HIBCH: variants seen among roughly 807,000 people sequenced by gnomAD.
HIBCH encodes 3-hydroxyisobutyryl-CoA hydrolase.
HIBCH carries 50 observed loss-of-function variants against 58.2 expected under a neutral mutation model. The ratio of observed to expected loss-of-function variants is 0.86; its 90% CI spans 0.68 to 1.09. The LOEUF is 1.09. Among genes scored for constraint, HIBCH ranks in the 50% least tolerant of loss-of-function variants. The probability of loss-of-function intolerance (pLI) is 0.00; values close to 1 mark genes in which losing one functional copy is unlikely to be tolerated. For missense variants in HIBCH, 450 were observed against 449.7 expected (o/e 1.00, Z -0.01); for synonymous variants, 151 against 146.9 (o/e 1.03, Z -0.20).
At chr2:190,292,859 ATTCTAATCAATTAG>A (rs1174557855) in intron 4 of HIBCH, among the ~76,000 whole-genome samples, 2 of 152,162 alleles carry the variant, frequency 1.3e-5, no homozygotes, top group Non-Finnish European at 2.9e-5. Flanking sequence ...TCTAATTTTT[ATTCTAATCAATTAG>A]TTCCATCTAA....
chr2:190,287,660 T>C, intron 5 of HIBCH, 22 bp from the exon 6 acceptor site: 1 of 1,576,298 alleles, frequency 6.3e-7, no homozygotes. Context: ...AGAGCTGTAA[T>C]TTTAGTTACA....
chr2:190,213,311 A>C, intron 11 of HIBCH: 1 of 479,098 alleles, frequency 2.1e-6, no homozygotes, highest in African/African-American at 1.9e-5. Flanking sequence ...ATAAATCCAT[A>C]TTTGTAGTTT....
At chr2:190,229,795 TAAAAC>T (rs1300784183) in intron 11 of HIBCH, among the ~76,000 whole-genome samples, 2 of 150,244 alleles carry the variant, frequency 1.3e-5, no homozygotes, top group East Asian at 3.9e-4. Flanking sequence ...GCACAGAAAA[TAAAAC>T]TAAACTAAGA....
At chr2:190,199,965 A>G (rs2105889785), downstream of HIBCH, 1 of 1,614,098 alleles carries the variant, frequency 6.2e-7, no homozygotes, top group Admixed American at 1.7e-5. Flanking sequence ...AGAGATGTCT[A>G]CCTAGGATGG....
At chr2:190,226,427 C>G (rs1685897967) in intron 11 of HIBCH, among the ~76,000 whole-genome samples, 1 of 152,028 alleles carries the variant, frequency 6.6e-6, no homozygotes, top group East Asian at 1.9e-4. Flanking sequence ...GAAACACCAT[C>G]TCTACTAAAA....
rs548367320 is a variant in HIBCH at position 190,286,721 on chromosome 2, G to A, written c.438+865C>T. Among the ~76,000 whole-genome samples the A allele has an allele frequency of 2.0e-5, 3 of 152,276 alleles. No homozygotes were observed. The East Asian group carries it at 5.8e-4, about 29-fold the overall frequency. On this transcript the variant is annotated intron_variant, in intron 6 of 13. Transcript: ENST00000359678. ...TGCCAGTTACATTTTAGACTTCTCTGTAATAGCACAGAGGCAGAATATTTG... is the reference window on the plus strand; with the variant it reads ...TGCCAGTTACATTTTAGACTTCTCTATAATAGCACAGAGGCAGAATATTTG...
intron 6 of HIBCH, among the ~76,000 whole-genome samples, chr2:190,262,638 C>T (rs1381686352): frequency 6.6e-6 from 1 of 152,198 alleles, no homozygotes; most frequent in African/African-American, 2.4e-5. Flanking sequence ...ACCTAACAGA[C>T]CAAATTCTCT....
At chr2:190,297,496 G>A (rs1688133364) in intron 2 of HIBCH, among the ~76,000 whole-genome samples, 3 of 152,206 alleles carry the variant, frequency 2.0e-5, no homozygotes, top group Admixed American at 1.3e-4. Flanking sequence ...AACAAAGGCT[G>A]GCTGAGGAAA....
At chr2:190,314,361 A>ATATATATACATATATACG (rs1553508491) in intron 1 of HIBCH, among the ~76,000 whole-genome samples, 23 of 44,408 alleles carry the variant, frequency 5.2e-4, no homozygotes, top group African/African-American at 6.6e-4. Context: ...ATATATACGT[A>ATATATATACATATATACG]TATATATACG....
rs1490052740 is a variant in HIBCH, at chr2:190,204,353, T to C, written c.*764A>G. 1.3e-5 allele frequency: 2 copies of C among 152,140 alleles called. No individual in the cohort carries two copies. Among genetic ancestry groups the C allele is most frequent in the African/African-American group, 4.8e-5 (2 of 41,468 alleles). 9.4% of individuals were successfully genotyped at this position (152,140 alleles called of 1,614,324 possible). A position where few individuals can be genotyped will look rare whatever the true frequency, so the allele number is the denominator to read the frequency against. On this transcript the variant is annotated 3_prime_UTR_variant, in exon 14 of 14. Coordinates refer to ENST00000359678, the MANE Select transcript of HIBCH (RefSeq NM_014362.4). ...ATTGGAGTTTCCTAATTTCTCATTC[T>C]ACCAGATTAACAAATATCACAAATA...
rs536033809 is a variant in HIBCH, at chr2:190,244,552, C to T, written c.891+335G>A. ...CATAAGGTGACTAATCTCCAGTGAC[C>T]CAGCCCTTCTAATTAAAATGTCCCT... On this transcript the variant is annotated intron_variant, in intron 11 of 13. Coordinates refer to ENST00000359678, the MANE Select transcript of HIBCH (RefSeq NM_014362.4). 2.0e-5 allele frequency among the ~76,000 whole-genome samples: 3 copies of T among 152,124 alleles called. No individual in the cohort carries two copies. In the South Asian group the frequency reaches 6.2e-4, roughly 32 times the overall value.
downstream of HIBCH, chr2:190,199,709 C>G (rs548542248): frequency 9.0e-4 from 1,311 of 1,461,864 alleles, 3 homozygotes; most frequent in Non-Finnish European, 1.1e-3. Context: ...AAACACTACA[C>G]GTGAAGAGTG....
At chr2:190,199,503 A>G (rs1296419005), downstream of HIBCH, among the ~76,000 whole-genome samples, 5 of 152,160 alleles carry the variant, frequency 3.3e-5, no homozygotes, top group Non-Finnish European at 5.9e-5. Flanking sequence ...CTTGAAAAAA[A>G]GTTTTCCTAT....
At chr2:190,195,640 C>A (rs562687718) in intron 1 of HIBCH, among the ~76,000 whole-genome samples, 2 of 152,272 alleles carry the variant, frequency 1.3e-5, no homozygotes, top group South Asian at 4.1e-4. Context: ...TTTAAAAGTT[C>A]TTTGTATACT....
chr2:190,277,005 C>A (rs1687569418), intron 6 of HIBCH, among the ~76,000 whole-genome samples: 1 of 152,108 alleles, frequency 6.6e-6, no homozygotes, highest in Non-Finnish European at 1.5e-5. Flanking sequence ...TAATTAATTC[C>A]ATTTTTCCAC....
intron 11 of HIBCH, among the ~76,000 whole-genome samples, chr2:190,220,839 T>C (rs189262705): frequency 1.3e-5 from 2 of 152,284 alleles, no homozygotes; most frequent in African/African-American, 4.8e-5. Context: ...ACATGACCAC[T>C]TTCTGGCTTC....
chr2:190,286,130 C>T (rs12464840), intron 6 of HIBCH, among the ~76,000 whole-genome samples: 23,344 of 152,114 alleles, frequency 0.15, 2,514 homozygotes, highest in Admixed American at 0.32. Context: ...GCATCAGCCA[C>T]GACACCCGGA....
chr2:190,249,583 T>A, intron 9 of HIBCH, 57 bp downstream of exon 9: 1 of 982,868 alleles, frequency 1.0e-6, no homozygotes. Context: ...GCCAGTTTTT[T>A]AATCACTTCC....
intron 11 of HIBCH, among the ~76,000 whole-genome samples, chr2:190,226,591 G>A (rs376770936): frequency 0.055 from 4,920 of 89,868 alleles, 162 homozygotes; most frequent in East Asian, 0.2. Context: ...GTGAAACTCC[G>A]TCTCAAAAAA....
Sources: gnomAD v4.1 joint callset for allele counts (sites outside exome capture counted in the v4.1 genomes callset) on GRCh38, gnomAD v4.1.1 for gene constraint, MANE v1.5 for transcripts, NCBI Gene and HGNC (gene_info 2026-07-23, HGNC 2026-07-21) for gene names.